The following DLC1 variants were observed in gnomAD, a reference collection of about 807,000 sequenced individuals.
DLC1 encodes the protein DLC1 Rho GTPase activating protein.
A neutral mutation model predicts 140.3 loss-of-function variants in DLC1; 54 were observed. That is an observed-to-expected ratio of 0.38 (90% CI 0.31 to 0.48). The LOEUF (loss-of-function observed/expected upper bound fraction) is 0.48. Among genes scored for constraint, DLC1 ranks in the 20% least tolerant of loss-of-function variants. The pLI is 0.96. For missense variants in DLC1, 2,536 were observed against 1,907.0 expected (o/e 1.33, Z -6.14); for synonymous variants, 986 against 728.1 (o/e 1.35, Z -5.70).
chr8:13,572,540 A>G (rs962238193), intron 1 of DLC1, among the ~76,000 whole-genome samples: 2 of 152,118 alleles, frequency 1.3e-5, no homozygotes, highest in African/African-American at 2.4e-5. Context: ...TTGGTGTCAT[A>G]TGTAAGAAAT....
intron 5 of DLC1, among the ~76,000 whole-genome samples, chr8:13,156,745 T>G (rs1043180598): frequency 6.6e-6 from 1 of 152,166 alleles, no homozygotes; most frequent in South Asian, 2.1e-4. Flanking sequence ...GGATTTTAGG[T>G]GGAAGGCTAG....
intron 5 of DLC1, chr8:13,304,870 C>G (rs1407931199): frequency 1.5e-5 from 15 of 988,340 alleles, no homozygotes; most frequent in African/African-American, 1.7e-5. Context: ...AGTATGGCAT[C>G]AGCTTTAAGC....
chr8:13,454,440 A>T (rs1444846719), intron 2 of DLC1, among the ~76,000 whole-genome samples: 1 of 152,246 alleles, frequency 6.6e-6, no homozygotes, highest in Non-Finnish European at 1.5e-5. Flanking sequence ...AGTTCCTAAC[A>T]AGGCAAAAAG....
intron 4 of DLC1, among the ~76,000 whole-genome samples, chr8:13,380,888 C>G (rs973591419): frequency 6.6e-6 from 1 of 152,168 alleles, no homozygotes; most frequent in Non-Finnish European, 1.5e-5. Flanking sequence ...AATTGAGATT[C>G]TTGCACGATT....
At chr8:13,517,405 A>C (rs540389740), upstream of DLC1, among the ~76,000 whole-genome samples, 2 of 152,314 alleles carry the variant, frequency 1.3e-5, no homozygotes, top group African/African-American at 4.8e-5. Context: ...TCATAAACAT[A>C]CCCTTTTCTA....
chr8:13,492,150 A>T (rs1406915380), intron 2 of DLC1, among the ~76,000 whole-genome samples: 1 of 152,180 alleles, frequency 6.6e-6, no homozygotes, highest in Non-Finnish European at 1.5e-5. Context: ...CCCAAAAAGT[A>T]AAACATTTGA....
chr8:13,500,012 C>G lies in DLC1; in HGVS notation c.60G>C (p.Gln20His). The G allele has an allele frequency of 6.2e-7, 1 of 1,614,080 alleles. No individual in the cohort carries two copies. Among genetic ancestry groups the G allele is most frequent in the Non-Finnish European group, 8.5e-7 (1 of 1,179,960 alleles). ...TGTTACGATCATCAGAATTAAAAGG[C>G]TGTCCCATCCAGTGGGTCACATGTT... is the stretch of plus-strand genomic sequence containing the variant. ...WEEHVTHWMG[Q>H]PFNSDDRNTA... Residue 20 changes from glutamine to histidine, a missense_variant, in exon 2 of 18, where the codon CAG (glutamine) becomes CAC (histidine). Transcript: ENST00000276297.
intron 5 of DLC1, among the ~76,000 whole-genome samples, chr8:13,304,336 T>C (rs1465991875): frequency 6.6e-6 from 1 of 152,182 alleles, no homozygotes; most frequent in Non-Finnish European, 1.5e-5. Flanking sequence ...GAGATACTTT[T>C]CAACATTATT....
chr8:13,507,491 G>A (rs1802149128), intron 1 of DLC1, among the ~76,000 whole-genome samples: 2 of 152,194 alleles, frequency 1.3e-5, no homozygotes, highest in Non-Finnish European at 2.9e-5. Context: ...GAATTAGACT[G>A]TGGGTGGATA....
intron 5 of DLC1, among the ~76,000 whole-genome samples, chr8:13,271,047 A>T (rs1830912862): frequency 1.3e-5 from 2 of 152,296 alleles, no homozygotes; most frequent in South Asian, 4.2e-4. Context: ...CAACTCTCTA[A>T]GCCACTATAT....
intron 2 of DLC1, among the ~76,000 whole-genome samples, chr8:13,488,428 T>C (rs545684301): frequency 1.3e-5 from 2 of 152,322 alleles, no homozygotes; most frequent in Admixed American, 6.5e-5. Flanking sequence ...CATTAGTATA[T>C]TGAAATCTAG....
intron 5 of DLC1, among the ~76,000 whole-genome samples, chr8:13,198,673 T>C (rs1033791185): frequency 3.9e-5 from 6 of 152,106 alleles, no homozygotes; most frequent in African/African-American, 1.2e-4. Context: ...GTAAACAACT[T>C]CTCGTTAACC....
At chr8:13,387,730 C>T (rs1017009854) in intron 4 of DLC1, among the ~76,000 whole-genome samples, 1 of 152,038 alleles carries the variant, frequency 6.6e-6, no homozygotes, top group African/African-American at 2.4e-5. Context: ...ATAGAAGAAT[C>T]AGTTTTCACA....
chr8:13,104,946 T>C (rs1819433299), intron 7 of DLC1, among the ~76,000 whole-genome samples: 1 of 152,178 alleles, frequency 6.6e-6, no homozygotes, highest in Admixed American at 6.5e-5. Flanking sequence ...ACACCCACAG[T>C]GTTTTAGTTC....
chr8:13,548,411 G>A (rs6987846), intron 1 of DLC1, among the ~76,000 whole-genome samples: 41,107 of 151,922 alleles, frequency 0.27, 6,024 homozygotes, highest in South Asian at 0.39. Context: ...ATTAGTTTCA[G>A]GAGGTGAAAC....
At chr8:13,201,049 A>G (rs1414729748) in intron 5 of DLC1, among the ~76,000 whole-genome samples, 1 of 152,166 alleles carries the variant, frequency 6.6e-6, no homozygotes, top group Non-Finnish European at 1.5e-5. Flanking sequence ...TTATTAGGAA[A>G]CAAGCAGGGC....
chr8:13,348,367 T>G (rs564323709), intron 4 of DLC1, among the ~76,000 whole-genome samples: 2 of 152,278 alleles, frequency 1.3e-5, no homozygotes, highest in South Asian at 4.1e-4. Context: ...TTCAGGGCCA[T>G]GAGCCACACA....
chr8:13,153,328 C>G (rs953877409), intron 5 of DLC1, among the ~76,000 whole-genome samples: 2 of 152,198 alleles, frequency 1.3e-5, no homozygotes, highest in African/African-American at 4.8e-5. Context: ...GGCCAGAGCT[C>G]TCCATTCCTC....
intron 1 of DLC1, among the ~76,000 whole-genome samples, chr8:13,553,768 C>T (rs1031482032): frequency 1.3e-5 from 2 of 152,104 alleles, no homozygotes; most frequent in East Asian, 3.9e-4. Flanking sequence ...AGTCTTTGAT[C>T]CCTACACCTT....
Sources: allele counts gnomAD v4.1 joint callset (sites outside exome capture counted in the v4.1 genomes callset), GRCh38; gene constraint gnomAD v4.1.1; transcripts MANE v1.5; gene names NCBI Gene and HGNC (gene_info 2026-07-23, HGNC 2026-07-21).